Variants in EYA2 observed in about 807,000 individuals in gnomAD.
EYA2 encodes EYA transcriptional coactivator and phosphatase 2, also known as protein phosphatase EYA2.
A neutral mutation model predicts 69.2 loss-of-function variants in EYA2; 31 were observed. The observed-to-expected ratio is 0.45, with a 90% CI of 0.34 to 0.60. The LOEUF is 0.60. Ranked by LOEUF, EYA2 falls within the 20% of genes least tolerant of loss-of-function variation. The probability of loss-of-function intolerance (pLI) is 0.02; values close to 1 mark genes in which losing one functional copy is unlikely to be tolerated. For missense variants in EYA2, 622 were observed against 701.2 expected (o/e 0.89, Z 1.28); for synonymous variants, 257 against 279.4 (o/e 0.92, Z 0.80).
intron 1 of EYA2, among the ~76,000 whole-genome samples, chr20:46,914,330 T>C (rs953357406): frequency 2.0e-5 from 3 of 152,244 alleles, no homozygotes; most frequent in Non-Finnish European, 2.9e-5. Context: ...ATCCAGATTC[T>C]ACCGCTTGAT....
chr20:46,945,117 A>G (rs1189447685), intron 1 of EYA2, among the ~76,000 whole-genome samples: 4 of 57,868 alleles, frequency 6.9e-5, no homozygotes, highest in African/African-American at 1.4e-4. Flanking sequence ...CCTTGTCTGG[A>G]AAAAAAAAAA....
intron 1 of EYA2, among the ~76,000 whole-genome samples, chr20:46,939,010 A>G (rs1320379006): frequency 1.3e-5 from 2 of 152,164 alleles, no homozygotes; most frequent in Non-Finnish European, 2.9e-5. Flanking sequence ...GTCTAGATCC[A>G]TTCCACTTTC....
At chr20:46,941,078 G>A (rs988296310) in intron 1 of EYA2, among the ~76,000 whole-genome samples, 7 of 152,330 alleles carry the variant, frequency 4.6e-5, no homozygotes, top group South Asian at 2.1e-4. Flanking sequence ...CTGTTGAGAC[G>A]TATAGGCTGA....
At chr20:46,970,960 A>G (rs924392684) in intron 1 of EYA2, among the ~76,000 whole-genome samples, 2 of 152,024 alleles carry the variant, frequency 1.3e-5, no homozygotes, top group South Asian at 4.2e-4. Context: ...GGGGAAATAG[A>G]TGGAGTGGAA....
intron 1 of EYA2, among the ~76,000 whole-genome samples, chr20:46,903,015 A>G (rs1281726681): frequency 6.6e-6 from 1 of 152,240 alleles, no homozygotes; most frequent in Non-Finnish European, 1.5e-5. Context: ...ATTATTTATC[A>G]GGTGCCTCCA....
In EYA2 at chr20:46,921,395, T is replaced by A. The variant is rs190338513; in HGVS notation, c.-11+26408T>A. The stretch of plus-strand genomic sequence containing the variant: ...ATTTGTAGTCCTCTGCAGTACGTGA[T>A]GCTTATCTTGCCCAGCTGGCATCCA... On this transcript the variant is annotated intron_variant, in intron 1 of 15. Transcript: ENST00000327619. Among the ~76,000 whole-genome samples the A allele has an allele frequency of 2.1e-3, 317 of 152,386 alleles. 2 individuals carry two copies. The highest frequency in any genetic ancestry group is 7.1e-3 in the African/African-American group (295 of 41,594).
At chr20:47,123,075 G>A (rs955082654) in intron 9 of EYA2, among the ~76,000 whole-genome samples, 3 of 152,090 alleles carry the variant, frequency 2.0e-5, no homozygotes, top group African/African-American at 7.2e-5. Flanking sequence ...GGTCACTGGG[G>A]GAGGATTACA....
At chr20:47,037,874 A>G (rs989650966) in intron 5 of EYA2, among the ~76,000 whole-genome samples, 3 of 152,064 alleles carry the variant, frequency 2.0e-5, no homozygotes, top group African/African-American at 7.2e-5. Context: ...CATGTAACCT[A>G]AATATCCACA....
Position 46,908,968 on chromosome 20 carries a change from G to A in EYA2, c.-11+13981G>A, listed in dbSNP as rs568199533. 6.4e-5 allele frequency among the ~76,000 whole-genome samples: 9 copies of A among 140,776 alleles called. No homozygotes were observed. In the South Asian group the frequency reaches 1.4e-3, roughly 22 times the overall value. The allele number at this position is 140,776 out of a possible 152,430, so 92.4% of individuals were successfully genotyped here. A position where few individuals can be genotyped will look rare whatever the true frequency, so the allele number is the denominator to read the frequency against. On this transcript the variant is annotated intron_variant, in intron 1 of 15. Coordinates refer to ENST00000327619, the MANE Select transcript of EYA2 (RefSeq NM_005244.5). ...TAAAAATTGTTTCCAGGAAAAAGTA[G>A]GACTTGAATCTCATGGGGATGAGGC...
intron 1 of EYA2, among the ~76,000 whole-genome samples, chr20:46,915,298 G>A (rs6012075): frequency 2.0e-4 from 31 of 152,288 alleles, no homozygotes; most frequent in African/African-American, 6.0e-4. Context: ...AACCTCAGCC[G>A]GGGAAGAGAA....
chr20:46,944,875 G>T (rs555251276), intron 1 of EYA2, among the ~76,000 whole-genome samples: 2 of 152,260 alleles, frequency 1.3e-5, no homozygotes, highest in African/African-American at 4.8e-5. Flanking sequence ...AGGCCGAGGC[G>T]GGCGGATCTC....
intron 5 of EYA2, among the ~76,000 whole-genome samples, chr20:47,038,735 A>C (rs1023640668): frequency 1.3e-5 from 2 of 152,192 alleles, no homozygotes; most frequent in African/African-American, 4.8e-5. Flanking sequence ...TGCCAAACTG[A>C]AACTATATCC....
intron 9 of EYA2, among the ~76,000 whole-genome samples, chr20:47,129,617 A>G (rs1468509616): frequency 6.6e-6 from 1 of 152,162 alleles, no homozygotes; most frequent in African/African-American, 2.4e-5. Context: ...CACAGCTCTG[A>G]TAGTTGTTTT....
chr20:46,981,172 A>G (rs1411948344), intron 1 of EYA2, among the ~76,000 whole-genome samples: 1 of 152,198 alleles, frequency 6.6e-6, no homozygotes, highest in South Asian at 2.1e-4. Flanking sequence ...AGATCCTTCT[A>G]TCTCCCAGCG....
chr20:47,125,233 T>C (rs1162311576), intron 9 of EYA2, among the ~76,000 whole-genome samples: 1 of 151,904 alleles, frequency 6.6e-6, no homozygotes, highest in African/African-American at 2.4e-5. Context: ...TTTTTTGTAT[T>C]TTTAGTAGAG....
chr20:46,917,469 C>T (rs1265621931), intron 1 of EYA2, among the ~76,000 whole-genome samples: 1 of 152,192 alleles, frequency 6.6e-6, no homozygotes, highest in East Asian at 1.9e-4. Context: ...AACACCAATA[C>T]GTGGGACTCA....
intron 9 of EYA2, among the ~76,000 whole-genome samples, chr20:47,126,927 G>T (rs1049997265): frequency 3.9e-5 from 6 of 152,160 alleles, no homozygotes; most frequent in African/African-American, 1.2e-4. Flanking sequence ...CAGTGCCAAA[G>T]CGGAAAAACC....
chr20:47,091,911 C>T (rs954620190), intron 8 of EYA2, among the ~76,000 whole-genome samples: 7 of 152,174 alleles, frequency 4.6e-5, no homozygotes, highest in East Asian at 1.9e-4. Context: ...TCCTGTCCTT[C>T]GGTGTCCGAT....
At chr20:46,901,483 A>G (rs1057152496) in intron 1 of EYA2, 2 of 152,240 alleles carry the variant, frequency 1.3e-5, no homozygotes, top group Admixed American at 6.5e-5. Flanking sequence ...GAGCGTGTCC[A>G]CCACGTCCTG....
Sources: allele counts gnomAD v4.1 joint callset (sites outside exome capture counted in the v4.1 genomes callset), GRCh38; gene constraint gnomAD v4.1.1; transcripts MANE v1.5; gene names NCBI Gene and HGNC (gene_info 2026-07-23, HGNC 2026-07-21).